The following RBPMS2 variants were observed in gnomAD, a reference collection of about 807,000 sequenced individuals.
RBPMS2 encodes RNA-binding protein with multiple splicing 2.
RBPMS2 carries 14 observed loss-of-function variants against 25.7 expected under a neutral mutation model. That is an observed-to-expected ratio of 0.55 (90% CI 0.36 to 0.85). RBPMS2 has a LOEUF of 0.85. Ranked by LOEUF, RBPMS2 falls within the 40% of genes least tolerant of loss-of-function variation. RBPMS2 has a pLI of 0.01. For synonymous variants in RBPMS2, 127 were observed against 115.6 expected, an observed-to-expected ratio of 1.10 and a Z score of -0.63; for missense variants, 252 against 283.4, an observed-to-expected ratio of 0.89 and a Z score of 0.80.
chr15:64,742,755 G>A (rs1263902211), intron 6 of RBPMS2, among the ~76,000 whole-genome samples: 1 of 152,222 alleles, frequency 6.6e-6, no homozygotes, highest in East Asian at 1.9e-4. Flanking sequence ...CAGGAAAGGA[G>A]TAGAAGCTGG....
chr15:64,756,723 C>A (rs1032485115), intron 1 of RBPMS2, among the ~76,000 whole-genome samples: 1 of 150,528 alleles, frequency 6.6e-6, no homozygotes, highest in Non-Finnish European at 1.5e-5. Context: ...CTCACTGCAA[C>A]CCTGTCCTCT....
intron 3 of RBPMS2, 86 bp downstream of exon 3, chr15:64,750,257 A>G (rs1013605481): frequency 1.1e-5 from 13 of 1,168,166 alleles, no homozygotes; most frequent in East Asian, 4.7e-5. Flanking sequence ...AGATGCCTCT[A>G]GATTAGGGAA....
intron 1 of RBPMS2, among the ~76,000 whole-genome samples, chr15:64,774,222 C>A (rs990527403): frequency 6.6e-6 from 1 of 152,212 alleles, no homozygotes; most frequent in African/African-American, 2.4e-5. Flanking sequence ...AGGTGGATAA[C>A]CAGCCCTTGG....
At chr15:64,768,750 T>A (rs955010798) in intron 1 of RBPMS2, among the ~76,000 whole-genome samples, 1 of 149,748 alleles carries the variant, frequency 6.7e-6, no homozygotes, top group Admixed American at 6.7e-5. Context: ...TGAGCTATGA[T>A]CATGCCACTG....
chr15:64,745,291 T>C (rs2083608310), intron 6 of RBPMS2, among the ~76,000 whole-genome samples: 1 of 152,182 alleles, frequency 6.6e-6, no homozygotes, highest in African/African-American at 2.4e-5. Flanking sequence ...GCCTGTTTTT[T>C]TCCATAAATG....
At chr15:64,761,131 A>C (rs1460242596) in intron 1 of RBPMS2, 1 of 152,004 alleles carries the variant, frequency 6.6e-6, no homozygotes, top group East Asian at 1.9e-4. Context: ...GTCCACTCAC[A>C]ATGTTCAAGT....
At chr15:64,773,075 T>G (rs2083903503) in intron 1 of RBPMS2, among the ~76,000 whole-genome samples, 1 of 152,200 alleles carries the variant, frequency 6.6e-6, no homozygotes, top group Non-Finnish European at 1.5e-5. Flanking sequence ...ATTCCTTGGT[T>G]TCCTGGGCTT....
In RBPMS2 at chr15:64,740,922, GC is replaced by G. The variant is rs1407086462; in HGVS notation, c.*85del. The G allele has an allele frequency of 2.3e-6, 1 of 436,726 alleles. No homozygotes were observed. The highest frequency in any genetic ancestry group is 4.4e-5 in the East Asian group (1 of 22,572). 27.1% of individuals were successfully genotyped at this position (436,726 alleles called of 1,614,324 possible). On this transcript the variant is annotated 3_prime_UTR_variant, in exon 8 of 8. Coordinates refer to ENST00000300069, the MANE Select transcript of RBPMS2 (RefSeq NM_194272.3). Reference sequence around the variant, plus strand: ...GGAGGGCAGCAGCTCTGTGCAGGCCGCCCGGGGGCAGTGGGAACTCGGGGCG... The same window carrying G: ...GGAGGGCAGCAGCTCTGTGCAGGCCGCCGGGGGCAGTGGGAACTCGGGGCG...
At position 64,761,600 on chromosome 15, in the gene RBPMS2, G is replaced by A. The variant is rs1001566641; in HGVS notation, c.88-9962C>T. On this transcript the variant is annotated intron_variant, in intron 1 of 7. Coordinates refer to ENST00000300069, the MANE Select transcript of RBPMS2 (RefSeq NM_194272.3). The stretch of plus-strand genomic sequence containing the variant: ...GTTGCTCAGGCTGGAGTGCAGTGGC[G>A]CAAACATGGCTCACTGCAGCCTCCT... 2.6e-5 allele frequency among the ~76,000 whole-genome samples: 4 copies of A among 151,236 alleles called. No homozygotes were observed. The South Asian group carries it at 6.2e-4, about 24-fold the overall frequency.
At chr15:64,770,021 A>C (rs1038266354) in intron 1 of RBPMS2, among the ~76,000 whole-genome samples, 4 of 151,958 alleles carry the variant, frequency 2.6e-5, no homozygotes, top group Non-Finnish European at 5.9e-5. Context: ...TCTGCTAAAA[A>C]TATAAAAATT....
chr15:64,743,104 C>T (rs1480887135), intron 6 of RBPMS2, among the ~76,000 whole-genome samples: 1 of 152,236 alleles, frequency 6.6e-6, no homozygotes, highest in African/African-American at 2.4e-5. Flanking sequence ...GCCCTGACCA[C>T]TGCCCTTCAT....
Position 64,754,557 on chromosome 15 carries a change from G to A in RBPMS2, c.88-2919C>T, listed in dbSNP as rs1185065664. ...AATCGGGAGGCAGAGGTTGCAGTGA[G>A]CTGAGATCACACCACTGCACTCCAG... is the stretch of plus-strand genomic sequence containing the variant. On this transcript the variant is annotated intron_variant, in intron 1 of 7. Transcript: ENST00000300069. Among the ~76,000 whole-genome samples the A allele has an allele frequency of 2.6e-5, 4 of 151,884 alleles. No individual in the cohort carries two copies. The East Asian group carries it at 7.7e-4, about 29-fold the overall frequency.
intron 1 of RBPMS2, among the ~76,000 whole-genome samples, chr15:64,755,852 C>T (rs1310617755): frequency 4.6e-5 from 6 of 130,402 alleles, no homozygotes; most frequent in African/African-American, 8.5e-5. Flanking sequence ...CACTCCAGGG[C>T]CCTGACAAGC....
intron 1 of RBPMS2, among the ~76,000 whole-genome samples, 190 bp downstream of exon 1, chr15:64,775,043 G>T (rs1230520194): frequency 6.6e-6 from 1 of 150,758 alleles, no homozygotes; most frequent in Non-Finnish European, 1.5e-5. Flanking sequence ...CCTGTCCGGC[G>T]GGGCAGTCCA....
chr15:64,770,884 G>A (rs1247055354), intron 1 of RBPMS2, among the ~76,000 whole-genome samples: 1 of 151,966 alleles, frequency 6.6e-6, no homozygotes, highest in Non-Finnish European at 1.5e-5. Context: ...GGCTCTGGCT[G>A]CTTCCTGACA....
At position 64,741,327 on chromosome 15, in the gene RBPMS2, G is replaced by A. The variant is rs557463151; in HGVS notation, c.568-85C>T. 2.5e-4 allele frequency: 259 copies of A among 1,054,002 alleles called. 1 individual carries two copies. In the South Asian group the frequency reaches 3.2e-3, roughly 13 times the overall value. 65.3% of individuals were successfully genotyped at this position (1,054,002 alleles called of 1,614,324 possible). A position where few individuals can be genotyped will look rare whatever the true frequency, so the allele number is the denominator to read the frequency against. ...GGTAACCATGGCCATCGGTGTCCCC[G>A]CTGGAGTCCTGGTTCTGTCACTGAT... is the stretch of plus-strand genomic sequence containing the variant. On this transcript the variant is annotated intron_variant, in intron 6 of 7. Transcript: ENST00000300069.
At chr15:64,762,377 C>T (rs1303983899) in intron 1 of RBPMS2, 2 of 534,418 alleles carry the variant, frequency 3.7e-6, no homozygotes, top group Non-Finnish European at 7.7e-6. Flanking sequence ...GGAGCAGGCC[C>T]AGCCATCCCT....
At chr15:64,774,121 G>A (rs2083911048) in intron 1 of RBPMS2, among the ~76,000 whole-genome samples, 1 of 152,228 alleles carries the variant, frequency 6.6e-6, no homozygotes, top group Non-Finnish European at 1.5e-5. Flanking sequence ...GCGCCATTCT[G>A]CACCAACCCC....
rs1382387753 is a variant in RBPMS2, at chr15:64,740,985, T to A, written c.*23A>T. 6 of 533,228 alleles carry A rather than the reference T, an allele frequency of 1.1e-5. No homozygotes were observed. In the East Asian group the frequency reaches 1.9e-4, roughly 17 times the overall value. The allele number at this position is 533,228 out of a possible 1,614,324, so 33.0% of individuals were successfully genotyped here. ...ACCACCACAGATTACCAGAACCACC[T>A]CCCCGGTGACCAGACCTGGAGGGAG... On this transcript the variant is annotated 3_prime_UTR_variant, in exon 8 of 8. Coordinates refer to ENST00000300069, the MANE Select transcript of RBPMS2 (RefSeq NM_194272.3).
Sources: allele counts gnomAD v4.1 joint callset (sites outside exome capture counted in the v4.1 genomes callset), GRCh38; gene constraint gnomAD v4.1.1; transcripts MANE v1.5; gene names NCBI Gene and HGNC (gene_info 2026-07-23, HGNC 2026-07-21).